Variants in MYLIP observed in about 807,000 individuals in gnomAD.
The protein encoded by MYLIP is myosin regulatory light chain interacting protein, also known as E3 ubiquitin-protein ligase MYLIP.
Under a neutral mutation model 45.8 loss-of-function variants are expected in MYLIP, and 26 were observed. The ratio of observed to expected loss-of-function variants is 0.57; its 90% CI spans 0.42 to 0.79. MYLIP has a LOEUF of 0.79. Among genes scored for constraint, MYLIP ranks in the 30% least tolerant of loss-of-function variants. The pLI, the probability that MYLIP is intolerant of heterozygous loss-of-function variation, is 0.00. For missense variants in MYLIP, 494 were observed against 555.6 expected (o/e 0.89, Z 1.11); for synonymous variants, 213 against 218.1 (o/e 0.98, Z 0.21).
Position 16,146,117 on chromosome 6 carries a change from T to C in MYLIP, c.1249-545T>C, listed in dbSNP as rs530660414. 8.6e-4 allele frequency among the ~76,000 whole-genome samples: 131 copies of C among 152,338 alleles called. 2 individuals carry two copies. Among genetic ancestry groups the C allele is most frequent in the African/African-American group, 2.8e-3 (118 of 41,566 alleles). ...CTTGTCTTTTTCTGCCCACCTATTC[T>C]GACTCTCATCCCTAAGTCTCTCCTG... On this transcript the variant is annotated intron_variant, in intron 6 of 6. Coordinates refer to ENST00000356840, the MANE Select transcript of MYLIP (RefSeq NM_013262.4).
the MYLIP span, among the ~76,000 whole-genome samples, chr6:16,159,379 G>A: frequency 6.6e-6 from 1 of 152,160 alleles, no homozygotes; most frequent in African/African-American, 2.4e-5. Context: ...GATGACTGTT[G>A]TTTTAGCCAC....
the MYLIP span, among the ~76,000 whole-genome samples, chr6:16,162,096 T>A: frequency 3.3e-5 from 5 of 152,360 alleles, no homozygotes; most frequent in East Asian, 9.6e-4. Context: ...AGCTTCACAT[T>A]AACTTGAGGC....
At position 16,143,844 on chromosome 6, in the gene MYLIP, G is replaced by A. The variant is rs767052483; in HGVS notation, c.808G>A (p.Glu270Lys). 2 of 1,613,368 alleles carry A rather than the reference G, an allele frequency of 1.2e-6. No individual in the cohort carries two copies. Among genetic ancestry groups the A allele is most frequent in the Non-Finnish European group, 1.7e-6 (2 of 1,179,868 alleles). Residue 270 changes from glutamate to lysine, a missense_variant, in exon 5 of 7, where the codon GAG becomes AAG. Transcript: ENST00000356840. ...AASGLYRAITETHAFYRCDTV... is the reference protein window; with the variant it reads ...AASGLYRAITKTHAFYRCDTV... ...CAGCGGGCTCTACCGAGCGATAACA[G>A]AGACGCACGCATTCTACAGGCACGT... is the stretch of plus-strand genomic sequence containing the variant.
the MYLIP span, chr6:16,160,947 G>A: frequency 0.014 from 2,201 of 153,806 alleles, 54 homozygotes; most frequent in African/African-American, 0.05. Context: ...CCTGCTCTGC[G>A]CCATGGCCTT....
At chr6:16,154,250 C>T in the MYLIP span, among the ~76,000 whole-genome samples, 5 of 152,144 alleles carry the variant, frequency 3.3e-5, no homozygotes, top group Admixed American at 1.3e-4. Context: ...ACTACAGGAA[C>T]ATGCCATCTT....
intron 2 of MYLIP, among the ~76,000 whole-genome samples, chr6:16,135,503 C>T (rs902775847): frequency 5.7e-4 from 86 of 151,960 alleles, no homozygotes; most frequent in Admixed American, 5.4e-3. Flanking sequence ...CTCCTTAAGC[C>T]TACATAGAGA....
At chr6:16,140,885 C>A (rs1759656270) in intron 2 of MYLIP, among the ~76,000 whole-genome samples, 1 of 151,998 alleles carries the variant, frequency 6.6e-6, no homozygotes, top group Non-Finnish European at 1.5e-5. Flanking sequence ...AGGTAGGCTG[C>A]CTGCATGGAG....
At chr6:16,133,542 G>A (rs550341101) in intron 2 of MYLIP, among the ~76,000 whole-genome samples, 1 of 152,266 alleles carries the variant, frequency 6.6e-6, no homozygotes, top group South Asian at 2.1e-4. Flanking sequence ...GTGATGCCAT[G>A]GAATAAAATG....
Position 16,129,241 on chromosome 6 carries a change from G to A in MYLIP, c.-82G>A. ...GAGGGCCAGCCCTCTCCGAGTCCGG[G>A]GCTGGGTCCCACCAGTGACAAGGCG... On this transcript the variant is annotated 5_prime_UTR_variant, in exon 1 of 7. Transcript: ENST00000356840. This position sits in a 1 kb window ranked among gnomAD's most constrained non-coding sequence, Gnocchi z 5.1. 6.9e-7 allele frequency: 1 copy of A among 1,440,598 alleles called. No homozygotes were observed. The highest frequency in any genetic ancestry group is 9.5e-7 in the Non-Finnish European group (1 of 1,054,644). The allele number at this position is 1,440,598 out of a possible 1,614,324, so 89.2% of individuals were successfully genotyped here.
At chr6:16,135,784 C>CTATATATTCTATATAGTGTATATATACAG in intron 2 of MYLIP, among the ~76,000 whole-genome samples, 1 of 113,638 alleles carries the variant, frequency 8.8e-6, no homozygotes, top group East Asian at 2.4e-4. Context: ...TATATGTATG[C>CTATATATTCTATATAGTGTATATATACAG]TATATATTCT....
chr6:16,129,289 G>GAA lies in MYLIP; in HGVS notation c.-33_-32dup, dbSNP rs1251400493. Reference sequence around the variant, plus strand: ...GCGGCAGCCCCGCGCACACCAAAGAGAAGGCGGCTGTGGCGGCAGCGGCAG... The same window carrying GAA: ...GCGGCAGCCCCGCGCACACCAAAGAGAAAAGGCGGCTGTGGCGGCAGCGGCAG... On this transcript the variant is annotated 5_prime_UTR_variant, in exon 1 of 7. Coordinates refer to ENST00000356840, the MANE Select transcript of MYLIP (RefSeq NM_013262.4). The surrounding 1 kb of genome is among the most constrained non-coding windows in gnomAD (Gnocchi z 5.1). The GAA allele has an allele frequency of 6.5e-7, 1 of 1,550,030 alleles. No homozygotes were observed. Among genetic ancestry groups the GAA allele is most frequent in the African/African-American group, 1.4e-5 (1 of 73,024 alleles).
rs915667701 is a variant in MYLIP, at chr6:16,129,199, G to T, written c.-124G>T. On this transcript the variant is annotated 5_prime_UTR_variant, in exon 1 of 7. Transcript: ENST00000356840. The surrounding 1 kb of genome is among the most constrained non-coding windows in gnomAD (Gnocchi z 5.1). Reference sequence around the variant, plus strand: ...GCCGCGGGGCCCCGGACAAGGGTCCGCAGAGCTGCAGCCTTCGAGGGCCAG... The same window carrying T: ...GCCGCGGGGCCCCGGACAAGGGTCCTCAGAGCTGCAGCCTTCGAGGGCCAG... The T allele has an allele frequency of 5.2e-5, 53 of 1,014,672 alleles. No individual in the cohort carries two copies. The African/African-American group carries it at 6.5e-4, about 13-fold the overall frequency. The allele number at this position is 1,014,672 out of a possible 1,614,324, so 62.9% of individuals were successfully genotyped here. A position where few individuals can be genotyped will look rare whatever the true frequency, so the allele number is the denominator to read the frequency against.
At chr6:16,162,308 G>A in the MYLIP span, among the ~76,000 whole-genome samples, 14 of 152,174 alleles carry the variant, frequency 9.2e-5, no homozygotes, top group Non-Finnish European at 1.9e-4. Flanking sequence ...GATGGACTGG[G>A]TCTAATTCAT....
chr6:16,131,454 A>G (rs1014972956), intron 2 of MYLIP, among the ~76,000 whole-genome samples: 4 of 152,234 alleles, frequency 2.6e-5, no homozygotes, highest in Non-Finnish European at 4.4e-5. Flanking sequence ...CAAACAAAAT[A>G]TGTTCTCCCC....
intron 2 of MYLIP, among the ~76,000 whole-genome samples, chr6:16,141,228 A>G (rs1400130539): frequency 6.6e-6 from 1 of 152,208 alleles, no homozygotes; most frequent in East Asian, 1.9e-4. Context: ...TCATTTGAAT[A>G]AAGGTGAGAA....
chr6:16,137,319 T>C (rs1422106599), intron 2 of MYLIP, among the ~76,000 whole-genome samples: 2 of 152,110 alleles, frequency 1.3e-5, no homozygotes, highest in East Asian at 3.8e-4. Flanking sequence ...CTCATTGGAC[T>C]GAGGCAGGCT....
downstream of MYLIP, among the ~76,000 whole-genome samples, chr6:16,148,452 T>C (rs1379674350): frequency 6.6e-6 from 1 of 152,084 alleles, no homozygotes; most frequent in African/African-American, 2.4e-5. Flanking sequence ...TCTTTTTTTT[T>C]TTTTTTCAAG....
Position 16,143,131 on chromosome 6 carries a change from G to A in MYLIP, c.576G>A (p.Val192=). 1.9e-6 allele frequency: 3 copies of A among 1,614,176 alleles called. No homozygotes were observed. Among genetic ancestry groups the A allele is most frequent in the Non-Finnish European group, 2.5e-6 (3 of 1,180,036 alleles). Residue 192 remains valine, a synonymous_variant, in exon 4 of 7, where the codon GTG becomes GTA. Transcript: ENST00000356840. ...ACTATGGCATAGAATGGCATTCTGT[G>A]CGGGATAGCGAAGGGCAGAAACTGC... ...MENYGIEWHS[V]RDSEGQKLLI...
At chr6:16,138,122 A>C (rs1344400968) in intron 2 of MYLIP, among the ~76,000 whole-genome samples, 1 of 152,232 alleles carries the variant, frequency 6.6e-6, no homozygotes, top group Non-Finnish European at 1.5e-5. Context: ...GGATGTATTC[A>C]TGGACATTTC....
Sources: allele counts gnomAD v4.1 joint callset (sites outside exome capture counted in the v4.1 genomes callset), GRCh38; gene constraint gnomAD v4.1.1; non-coding constraint Gnocchi (gnomAD v3.1); transcripts MANE v1.5; gene names NCBI Gene and HGNC (gene_info 2026-07-23, HGNC 2026-07-21).